The following PCDH7 variants were observed in gnomAD, a reference collection of about 807,000 sequenced individuals.
PCDH7 encodes the protein protocadherin 7, also known as protocadherin-7.
A neutral mutation model predicts 58.9 loss-of-function variants in PCDH7; 17 were observed. The observed-to-expected ratio is 0.29, with a 90% confidence interval of 0.20 to 0.43. The LOEUF (loss-of-function observed/expected upper bound fraction) is 0.43. Ranked by LOEUF, PCDH7 falls within the 20% of genes least tolerant of loss-of-function variation. The pLI is 1.00. For missense variants in PCDH7, 1,274 were observed against 1,441.0 expected, an observed-to-expected ratio of 0.88 and a Z score of 1.88; for synonymous variants, 664 against 616.4, an observed-to-expected ratio of 1.08 and a Z score of -1.14.
Position 30,722,515 on chromosome 4 carries a change from G to A in PCDH7, c.1093G>A (p.Gly365Ser), listed in dbSNP as rs1209188261. The A allele has an allele frequency of 1.2e-6, 2 of 1,610,404 alleles. No homozygotes were observed. Among genetic ancestry groups the A allele is most frequent in the Admixed American group, 1.7e-5 (1 of 59,724 alleles). Residue 365 changes from glycine to serine, a missense_variant, in exon 1 of 2, where the codon GGC (glycine) becomes AGC (serine). Around this residue, in one of 3 missense-constraint regions of PCDH7, gnomAD observed 331 missense variants for 303.2 expected, o/e 1.09. Transcript: ENST00000361762. This position sits in a 1 kb window ranked among gnomAD's most constrained non-coding sequence, Gnocchi z 7.6. ...GCTGCTGCGCCTTGACGAGACGTCCGGCTGGCTCAGCGTCCTGCACCGGAT... is the reference window on the plus strand; with the variant it reads ...GCTGCTGCGCCTTGACGAGACGTCCAGCTGGCTCAGCGTCCTGCACCGGAT...
At chr4:30,867,446 A>G (rs1431226069) in intron 1 of PCDH7, among the ~76,000 whole-genome samples, 3 of 152,130 alleles carry the variant, frequency 2.0e-5, no homozygotes, top group Non-Finnish European at 4.4e-5. Context: ...TACTCAAATC[A>G]TTGTTCAGCA....
intron 2 of PCDH7, among the ~76,000 whole-genome samples, chr4:30,921,453 T>G (rs1388433194): frequency 6.6e-6 from 1 of 152,096 alleles, no homozygotes; most frequent in East Asian, 1.9e-4. Context: ...TTCTGTAAGT[T>G]TACCTATGAA....
At chr4:30,804,373 T>A (rs191498508) in intron 1 of PCDH7, among the ~76,000 whole-genome samples, 1 of 152,142 alleles carries the variant, frequency 6.6e-6, no homozygotes, top group Admixed American at 6.5e-5. Context: ...ACCCAGTCTC[T>A]AGTAAAATAC....
intron 1 of PCDH7, among the ~76,000 whole-genome samples, chr4:30,857,092 C>A (rs1027141920): frequency 6.6e-6 from 1 of 152,028 alleles, no homozygotes; most frequent in Non-Finnish European, 1.5e-5. Flanking sequence ...TGAATGAAAT[C>A]TTTTCAAACC....
intron 1 of PCDH7, among the ~76,000 whole-genome samples, chr4:30,794,232 A>G (rs1724503812): frequency 6.6e-6 from 1 of 152,200 alleles, no homozygotes; most frequent in South Asian, 2.1e-4. Context: ...AAACCTCCTG[A>G]AGGTGTTTTT....
At chr4:30,964,454 G>A (rs943189828) in intron 3 of PCDH7, among the ~76,000 whole-genome samples, 2 of 151,884 alleles carry the variant, frequency 1.3e-5, no homozygotes, top group Non-Finnish European at 2.9e-5. Context: ...TGTTAGCCAG[G>A]ATGGTGTCAA....
intron 2 of PCDH7, among the ~76,000 whole-genome samples, chr4:30,923,060 G>A (rs1743392898): frequency 6.6e-6 from 1 of 151,970 alleles, no homozygotes; most frequent in South Asian, 2.1e-4. Flanking sequence ...TTTTTGCTTG[G>A]CTAGGTTTTA....
At chr4:31,057,862 A>C (rs1298269442) in intron 3 of PCDH7, among the ~76,000 whole-genome samples, 1 of 152,142 alleles carries the variant, frequency 6.6e-6, no homozygotes, top group Non-Finnish European at 1.5e-5. Flanking sequence ...TCTCTTAAAG[A>C]GGAGACAAAA....
chr4:30,916,340 C>T (rs929433683), intron 1 of PCDH7, among the ~76,000 whole-genome samples: 6 of 152,134 alleles, frequency 3.9e-5, no homozygotes, highest in African/African-American at 1.4e-4. Context: ...AAAATGTCTT[C>T]ATTATTGGCC....
intron 3 of PCDH7, among the ~76,000 whole-genome samples, chr4:31,110,668 C>A (rs944225080): frequency 6.6e-6 from 1 of 152,062 alleles, no homozygotes; most frequent in South Asian, 2.1e-4. Flanking sequence ...GTAATCCCAG[C>A]GCTTTAGGAG....
chr4:30,723,761 A>G lies in PCDH7; in HGVS notation c.2339A>G (p.Asn780Ser). The G allele has an allele frequency of 6.2e-7, 1 of 1,614,174 alleles. No individual in the cohort carries two copies. Among genetic ancestry groups the G allele is most frequent in the Non-Finnish European group, 8.5e-7 (1 of 1,180,032 alleles). Residue 780 changes from asparagine to serine, a missense_variant, in exon 1 of 2, where the codon AAC (asparagine) becomes AGC (serine). Asn to Ser is a conservative substitution (Grantham distance 46). Coordinates refer to ENST00000361762, the Ensembl canonical transcript of PCDH7. The surrounding 1 kb of genome is among the most constrained non-coding windows in gnomAD (Gnocchi z 4.6). ...GATGATGGCATCAATGCAGACCTGAACTACAGCATTGTGGGAGGAAATCCC... is the reference window on the plus strand; with the variant it reads ...GATGATGGCATCAATGCAGACCTGAGCTACAGCATTGTGGGAGGAAATCCC...
At chr4:30,897,216 G>A (rs1040329301) in intron 1 of PCDH7, among the ~76,000 whole-genome samples, 1 of 151,852 alleles carries the variant, frequency 6.6e-6, no homozygotes, top group African/African-American at 2.4e-5. Flanking sequence ...CCAGTTCTTT[G>A]TTTACAACAC....
intron 1 of PCDH7, among the ~76,000 whole-genome samples, chr4:30,903,810 G>A (rs141425764): frequency 2.0e-3 from 309 of 152,136 alleles, no homozygotes; most frequent in African/African-American, 7.3e-3. Flanking sequence ...CCTTACAAGG[G>A]ATTCCAGAGA....
chr4:31,094,552 G>A (rs1333412202), intron 3 of PCDH7, among the ~76,000 whole-genome samples: 1 of 152,154 alleles, frequency 6.6e-6, no homozygotes, highest in African/African-American at 2.4e-5. Context: ...AGGTCACACT[G>A]AGATAACAGA....
At chr4:30,855,898 T>C (rs1266617799) in intron 1 of PCDH7, among the ~76,000 whole-genome samples, 1 of 152,114 alleles carries the variant, frequency 6.6e-6, no homozygotes, top group African/African-American at 2.4e-5. Context: ...CGGATGGCCA[T>C]TGCCATCAGT....
In PCDH7 at chr4:30,721,588, G is replaced by C; in HGVS notation, c.166G>C (p.Gly56Arg). 6.2e-7 allele frequency: 1 copy of C among 1,610,288 alleles called. No individual in the cohort carries two copies. Among genetic ancestry groups the C allele is most frequent in the Non-Finnish European group, 8.5e-7 (1 of 1,179,906 alleles). ...CATCGGCAACGTGGCTTCAGACCTG[G>C]GCATCGTGACCGGATCGGGTGAGGT... Residue 56 changes from glycine to arginine, a missense_variant, in exon 1 of 2, where the codon GGC (glycine) becomes CGC (arginine). Around this residue, in one of 3 missense-constraint regions of PCDH7, gnomAD observed 212 missense variants for 255.8 expected, o/e 0.83. Coordinates refer to ENST00000361762, the Ensembl canonical transcript of PCDH7. This position sits in a 1 kb window ranked among gnomAD's most constrained non-coding sequence, Gnocchi z 6.7.
chr4:30,747,015 C>A (rs1053319792), intron 1 of PCDH7, among the ~76,000 whole-genome samples: 1 of 152,092 alleles, frequency 6.6e-6, no homozygotes, highest in Non-Finnish European at 1.5e-5. Flanking sequence ...TATAATGAAT[C>A]ATTTGAACAA....
intron 2 of PCDH7, among the ~76,000 whole-genome samples, chr4:30,937,807 T>C (rs968375051): frequency 5.9e-5 from 9 of 152,052 alleles, no homozygotes; most frequent in African/African-American, 1.7e-4. Context: ...GGATTTTTAT[T>C]TGACATATGG....
chr4:31,061,818 C>A (rs1757712962), intron 3 of PCDH7, among the ~76,000 whole-genome samples: 1 of 151,634 alleles, frequency 6.6e-6, no homozygotes, highest in Non-Finnish European at 1.5e-5. Context: ...ACTGAGCTGA[C>A]CTTTGCTTTA....
Sources: allele counts gnomAD v4.1 joint callset (sites outside exome capture counted in the v4.1 genomes callset), GRCh38; gene constraint gnomAD v4.1.1; regional missense constraint gnomAD v4.1.1; non-coding constraint Gnocchi (gnomAD v3.1); transcripts MANE v1.5; gene names NCBI Gene and HGNC (gene_info 2026-07-23, HGNC 2026-07-21).